Variants in MYDGF observed in about 807,000 individuals in gnomAD.
MYDGF encodes the protein myeloid derived growth factor.
A neutral mutation model predicts 24.2 loss-of-function variants in MYDGF; 29 were observed. That is an observed-to-expected ratio of 1.20 (90% CI 0.89 to 1.63). The LOEUF (loss-of-function observed/expected upper bound fraction) is 1.63. Among genes scored for constraint, MYDGF ranks in the 40% most tolerant of loss-of-function variants. MYDGF has a pLI of 0.00. For synonymous variants in MYDGF, 105 were observed against 102.5 expected, an observed-to-expected ratio of 1.02 and a Z score of -0.15; for missense variants, 245 against 234.8, an observed-to-expected ratio of 1.04 and a Z score of -0.29.
chr19:4,664,999 G>A (rs2088509805), intron 2 of MYDGF, 62 bp from the exon 3 acceptor site: 1 of 1,551,050 alleles, frequency 6.4e-7, no homozygotes, highest in Non-Finnish European at 8.8e-7. Flanking sequence ...AGACTTCTAG[G>A]TGTGCCTCTG....
At chr19:4,661,307 C>T (rs2088469249) in intron 3 of MYDGF, among the ~76,000 whole-genome samples, 1 of 152,248 alleles carries the variant, frequency 6.6e-6, no homozygotes, top group Admixed American at 6.5e-5. Flanking sequence ...CATAGACACG[C>T]CTCTCTCCCC....
chr19:4,667,699 C>T (rs2088532015), intron 2 of MYDGF, among the ~76,000 whole-genome samples: 1 of 148,610 alleles, frequency 6.7e-6, no homozygotes. Context: ...GAGGATTCTT[C>T]TCCCAGCCCA....
rs112617665 is a variant in MYDGF, at chr19:4,667,222, G to A, written c.225+1373C>T. On this transcript the variant is annotated intron_variant, in intron 2 of 5. Coordinates refer to ENST00000262947, the MANE Select transcript of MYDGF (RefSeq NM_019107.4). Reference sequence around the variant, plus strand: ...TGGCTCGCTGCAAGCTCCGCCTCCCGGGTTCACGCCATTCTCCTGCCTCAG... The same window carrying A: ...TGGCTCGCTGCAAGCTCCGCCTCCCAGGTTCACGCCATTCTCCTGCCTCAG... 5.1e-3 allele frequency among the ~76,000 whole-genome samples: 758 copies of A among 147,306 alleles called. 5 individuals are homozygous for A. Among genetic ancestry groups the A allele is most frequent in the Middle Eastern group, 0.018 (5 of 280 alleles).
In MYDGF at chr19:4,670,150, G is replaced by T. The variant is rs767680501; in HGVS notation, c.174+11C>A. On this transcript the variant is annotated intron_variant, in intron 1 of 5. Transcript: ENST00000262947. ...CAGCACTCAAATATCCGGGACGGCG[G>T]TGGCACGTACCCCCGGGCCCACGTT... 28 of 1,512,652 alleles carry T rather than the reference G, an allele frequency of 1.9e-5. No individual in the cohort carries two copies. The highest frequency in any genetic ancestry group is 2.5e-5 in the Non-Finnish European group (28 of 1,129,728). 93.7% of individuals were successfully genotyped at this position (1,512,652 alleles called of 1,614,324 possible).
At chr19:4,668,673 T>G (rs749045200) in intron 1 of MYDGF, 28 bp from the exon 2 acceptor site, 1 of 1,597,308 alleles carries the variant, frequency 6.3e-7, no homozygotes, top group Non-Finnish European at 8.6e-7. Flanking sequence ...AAAAAAGGTT[T>G]GGTAGAAGGA....
intron 4 of MYDGF, 124 bp from the exon 5 acceptor site, chr19:4,660,127 G>C: frequency 1.0e-6 from 1 of 974,332 alleles, no homozygotes; most frequent in Non-Finnish European, 1.6e-6. Flanking sequence ...AGATGGAGAG[G>C]AGACTTTTTT....
chr19:4,669,353 C>T (rs1172132166), intron 1 of MYDGF, among the ~76,000 whole-genome samples: 3 of 152,038 alleles, frequency 2.0e-5, no homozygotes, highest in Non-Finnish European at 4.4e-5. Context: ...TGGGAGGCTG[C>T]GGCAGGAGAA....
intron 2 of MYDGF, among the ~76,000 whole-genome samples, chr19:4,667,460 C>T (rs935068471): frequency 2.0e-5 from 3 of 152,190 alleles, no homozygotes; most frequent in African/African-American, 4.8e-5. Flanking sequence ...TTAGTAGAGA[C>T]GGGGTTTCAC....
chr19:4,657,955 C>T lies in MYDGF; in HGVS notation c.*50G>A. On this transcript the variant is annotated 3_prime_UTR_variant, in exon 6 of 6. Coordinates refer to ENST00000262947, the MANE Select transcript of MYDGF (RefSeq NM_019107.4). ...CTGGCCCTTTCAGGGACACAGGCCC[C>T]TTCAGCTTCACCGGAGATGAGAAGG... 1 of 1,531,972 alleles carries T rather than the reference C, an allele frequency of 6.5e-7. No individual in the cohort carries two copies. 94.9% of individuals were successfully genotyped at this position (1,531,972 alleles called of 1,614,324 possible).
rs956440383 is a variant in MYDGF, at chr19:4,660,016, G to A, written c.370-13C>T. ...ATGCGGCTTTAGACTGAAAAAGAAT[G>A]AGTGGAAACTTTACCAGGGCCAGTT... On this transcript the variant is annotated splice_polypyrimidine_tract_variant and intron_variant, in intron 4 of 5. Transcript: ENST00000262947. 2 of 1,612,030 alleles carry A rather than the reference G, an allele frequency of 1.2e-6. No individual in the cohort carries two copies. The highest frequency in any genetic ancestry group is 2.2e-5 in the East Asian group (1 of 44,886).
rs2088538347 is a variant in MYDGF, at chr19:4,668,609, C to CT, written c.210dup (p.Gly71ArgfsTer5). The stretch of plus-strand genomic sequence containing the variant: ...GAACAACTCACCTCATTGGTCCCTC[C>CT]TTGAGAGGCGTAAGTGAACATACAC... On this transcript the variant is annotated frameshift_variant, in exon 2 of 6. Transcript: ENST00000262947. LOFTEE classifies it high-confidence loss of function. The CT allele has an allele frequency of 6.2e-7, 1 of 1,612,992 alleles. No homozygotes were observed. Among genetic ancestry groups the CT allele is most frequent in the African/African-American group, 1.3e-5 (1 of 74,874 alleles).
intron 1 of MYDGF, 44 bp downstream of exon 1, chr19:4,670,117 G>A (rs2088553658): frequency 3.0e-6 from 4 of 1,342,352 alleles, no homozygotes; most frequent in Non-Finnish European, 2.9e-6. Context: ...CCCCCTCCCC[G>A]GGCCTGCCAG....
At chr19:4,664,434 G>A (rs1277143838) in intron 3 of MYDGF, among the ~76,000 whole-genome samples, 1 of 150,146 alleles carries the variant, frequency 6.7e-6, no homozygotes, top group Non-Finnish European at 1.5e-5. Context: ...AGGCTGCAGT[G>A]AGCCAAGATT....
At chr19:4,668,713 T>C (rs2088539567) in intron 1 of MYDGF, 68 bp from the exon 2 acceptor site, 3 of 1,402,882 alleles carry the variant, frequency 2.1e-6, no homozygotes, top group Non-Finnish European at 3.0e-6. Context: ...AGACGGGGTC[T>C]TGCTGTCACC....
At position 4,660,383 on chromosome 19, in the gene MYDGF, C is replaced by T. The variant is rs374751879; in HGVS notation, c.369+286G>A. Among the ~76,000 whole-genome samples the T allele has an allele frequency of 3.3e-5, 5 of 152,308 alleles. No individual in the cohort carries two copies. The East Asian group carries it at 5.8e-4, about 18-fold the overall frequency. ...CCTCCAGCAATCCTCCTGCCTCAGC[C>T]TCCCAAATTGCTGGGATTACTGGCG... On this transcript the variant is annotated intron_variant, in intron 4 of 5. Coordinates refer to ENST00000262947, the MANE Select transcript of MYDGF (RefSeq NM_019107.4).
Position 4,657,936 on chromosome 19 carries a change from C to G in MYDGF, c.*69G>C. The G allele has an allele frequency of 3.5e-6, 5 of 1,418,742 alleles. No individual in the cohort carries two copies. The highest frequency in any genetic ancestry group is 1.2e-5 in the South Asian group (1 of 80,516). The allele number at this position is 1,418,742 out of a possible 1,614,324, so 87.9% of individuals were successfully genotyped here. A position where few individuals can be genotyped will look rare whatever the true frequency, so the allele number is the denominator to read the frequency against. ...CTAGAAAACCAGTGATGTGCTGGCC[C>G]TTTCAGGGACACAGGCCCCTTCAGC... On this transcript the variant is annotated 3_prime_UTR_variant, in exon 6 of 6. Coordinates refer to ENST00000262947, the MANE Select transcript of MYDGF (RefSeq NM_019107.4).
Position 4,660,068 on chromosome 19 carries a change from G to A in MYDGF, c.370-65C>T, listed in dbSNP as rs182081223. 6.1e-4 allele frequency: 889 copies of A among 1,452,722 alleles called. 1 individual carries two copies. Among genetic ancestry groups the A allele is most frequent in the Non-Finnish European group, 4.4e-4 (456 of 1,037,028 alleles). The allele number at this position is 1,452,722 out of a possible 1,614,324, so 90.0% of individuals were successfully genotyped here. Reference sequence around the variant, plus strand: ...AATGCTCATCATTAGGAAAACGATTGAGTTTGCTTTCCAGAGAAGCACAGA... The same window carrying A: ...AATGCTCATCATTAGGAAAACGATTAAGTTTGCTTTCCAGAGAAGCACAGA... On this transcript the variant is annotated intron_variant, in intron 4 of 5. Coordinates refer to ENST00000262947, the MANE Select transcript of MYDGF (RefSeq NM_019107.4).
chr19:4,659,165 T>C (rs1204806480), intron 5 of MYDGF, among the ~76,000 whole-genome samples: 2 of 152,114 alleles, frequency 1.3e-5, no homozygotes, highest in African/African-American at 2.4e-5. Context: ...AGCCTCGACC[T>C]CCTGGGCTCA....
At chr19:4,667,419 C>T (rs1356467704) in intron 2 of MYDGF, among the ~76,000 whole-genome samples, 3 of 151,816 alleles carry the variant, frequency 2.0e-5, no homozygotes, top group Admixed American at 6.6e-5. Context: ...TGAGCCAGTG[C>T]GCCTGGCTCG....
Sources: gnomAD v4.1 joint callset for allele counts (sites outside exome capture counted in the v4.1 genomes callset) on GRCh38, gnomAD v4.1.1 for gene constraint, MANE v1.5 for transcripts, NCBI Gene and HGNC (gene_info 2026-07-23, HGNC 2026-07-21) for gene names.